ADTRP: variants seen among roughly 807,000 people sequenced by gnomAD.
ADTRP encodes the protein androgen dependent TFPI regulating protein, also known as androgen-dependent TFPI-regulating protein.
A neutral mutation model predicts 27.0 loss-of-function variants in ADTRP; 20 were observed. The ratio of observed to expected loss-of-function variants is 0.74; its 90% CI spans 0.52 to 1.08. The LOEUF (loss-of-function observed/expected upper bound fraction) is 1.08. ADTRP is among the 50% of genes least tolerant of loss of function. The probability of loss-of-function intolerance (pLI) is 0.00; values close to 1 mark genes in which losing one functional copy is unlikely to be tolerated. For synonymous variants in ADTRP, 101 were observed against 105.2 expected (o/e 0.96, Z 0.25); for missense variants, 251 against 275.0 (o/e 0.91, Z 0.62).
At chr6:11,739,088 G>A (rs1762634003) in intron 3 of ADTRP, among the ~76,000 whole-genome samples, 1 of 151,618 alleles carries the variant, frequency 6.6e-6, no homozygotes, top group Non-Finnish European at 1.5e-5. Context: ...AATAAAATAT[G>A]TTTTTGCTTC....
chr6:11,778,015 A>C (rs1021623520), intron 1 of ADTRP, among the ~76,000 whole-genome samples: 1 of 152,188 alleles, frequency 6.6e-6, no homozygotes, highest in Admixed American at 6.5e-5. Context: ...GAAAGGAGTA[A>C]GTCATAAGAT....
At chr6:11,772,846 A>G (rs1763829225) in intron 1 of ADTRP, among the ~76,000 whole-genome samples, 2 of 152,222 alleles carry the variant, frequency 1.3e-5, no homozygotes, top group South Asian at 2.1e-4. Context: ...ACTGAGATTA[A>G]AGGATGCAAT....
chr6:11,723,112 A>G (rs73725703), intron 5 of ADTRP, among the ~76,000 whole-genome samples: 4,625 of 152,258 alleles, frequency 0.03, 226 homozygotes, highest in African/African-American at 0.11. Context: ...TAAATGACAC[A>G]TTGTTTGGGG....
At chr6:11,775,159 C>T (rs749950045) in intron 1 of ADTRP, among the ~76,000 whole-genome samples, 3 of 152,214 alleles carry the variant, frequency 2.0e-5, no homozygotes, top group Middle Eastern at 3.4e-3. Flanking sequence ...GGGTGGATGA[C>T]TCCTGCTGGC....
In ADTRP at chr6:11,713,743, G is replaced by A. The variant is rs1043622229; in HGVS notation, c.*735C>T. On this transcript the variant is annotated 3_prime_UTR_variant, in exon 6 of 6. Transcript: ENST00000414691. ...GAAGAGGTTTTGACAATGTCACTAT[G>A]TTTGATGTTTATACCTGCCCTGAAT... The A allele has an allele frequency of 1.3e-5, 2 of 152,160 alleles. No homozygotes were observed. The highest frequency in any genetic ancestry group is 4.8e-5 in the African/African-American group (2 of 41,414). 9.4% of individuals were successfully genotyped at this position (152,160 alleles called of 1,614,324 possible). A position where few individuals can be genotyped will look rare whatever the true frequency, so the allele number is the denominator to read the frequency against.
chr6:11,744,095 G>A (rs1287775012), intron 3 of ADTRP, among the ~76,000 whole-genome samples: 1 of 152,150 alleles, frequency 6.6e-6, no homozygotes, highest in Admixed American at 6.5e-5. Flanking sequence ...TTTGAGTAAT[G>A]AGTGAGTTCT....
intron 3 of ADTRP, among the ~76,000 whole-genome samples, chr6:11,752,961 T>C (rs2294420): frequency 0.13 from 20,469 of 152,206 alleles, 1,776 homozygotes; most frequent in East Asian, 0.48. Flanking sequence ...ACATGTAATA[T>C]ATTTGTTTCT....
At chr6:11,761,724 G>A (rs1763395129) in intron 3 of ADTRP, among the ~76,000 whole-genome samples, 1 of 152,104 alleles carries the variant, frequency 6.6e-6, no homozygotes, top group African/African-American at 2.4e-5. Flanking sequence ...GGTGTTCTAG[G>A]TAAGAGGCCC....
chr6:11,739,992 A>G (rs1762668537), intron 3 of ADTRP, among the ~76,000 whole-genome samples: 1 of 152,076 alleles, frequency 6.6e-6, no homozygotes, highest in South Asian at 2.1e-4. Flanking sequence ...AAAATATATA[A>G]TCTCTGCTTC....
chr6:11,731,278 A>T (rs1350238353), intron 4 of ADTRP, among the ~76,000 whole-genome samples: 2 of 152,184 alleles, frequency 1.3e-5, no homozygotes, highest in African/African-American at 4.8e-5. Context: ...TTATTTTTAT[A>T]TTGGTTTATA....
chr6:11,715,806 C>CTTTTTTTTTTTTTTTTT (rs55961408), intron 5 of ADTRP, among the ~76,000 whole-genome samples: 2 of 77,700 alleles, frequency 2.6e-5, no homozygotes, highest in Non-Finnish European at 4.4e-5. Flanking sequence ...CCATGCCCAG[C>CTTTTTTTTTTTTTTTTT]TTTTTTTTTT....
At chr6:11,761,325 T>C (rs1257872547) in intron 3 of ADTRP, among the ~76,000 whole-genome samples, 3 of 152,220 alleles carry the variant, frequency 2.0e-5, no homozygotes, top group African/African-American at 7.2e-5. Context: ...TCTTCCCCAC[T>C]GGGATGTGTG....
intron 1 of ADTRP, among the ~76,000 whole-genome samples, chr6:11,771,087 C>T (rs949194718): frequency 5.9e-5 from 9 of 151,630 alleles, no homozygotes; most frequent in Admixed American, 5.9e-4. Context: ...CTCTCCCAGT[C>T]ACAGGATGTG....
At chr6:11,750,670 A>G (rs977648261) in intron 3 of ADTRP, among the ~76,000 whole-genome samples, 1 of 152,242 alleles carries the variant, frequency 6.6e-6, no homozygotes, top group Non-Finnish European at 1.5e-5. Flanking sequence ...ACAATTTAGC[A>G]TTATTACATA....
chr6:11,765,783 G>GAATA (rs1763552992), intron 3 of ADTRP, among the ~76,000 whole-genome samples: 1 of 152,008 alleles, frequency 6.6e-6, no homozygotes, highest in African/African-American at 2.4e-5. Flanking sequence ...ACACAAGCCT[G>GAATA]AATAAAAAAC....
At chr6:11,762,822 T>G (rs1039059688) in intron 3 of ADTRP, among the ~76,000 whole-genome samples, 2 of 152,186 alleles carry the variant, frequency 1.3e-5, no homozygotes, top group Non-Finnish European at 2.9e-5. Flanking sequence ...CCTGAACAAT[T>G]TAGGTTGATT....
chr6:11,773,989 T>C (rs1763868315), intron 1 of ADTRP, among the ~76,000 whole-genome samples: 1 of 152,192 alleles, frequency 6.6e-6, no homozygotes, highest in South Asian at 2.1e-4. Flanking sequence ...AATAGTTAAG[T>C]GTATTTCTGA....
At chr6:11,769,005 G>C (rs1402058323) in intron 1 of ADTRP, among the ~76,000 whole-genome samples, 2 of 152,058 alleles carry the variant, frequency 1.3e-5, no homozygotes, top group East Asian at 3.9e-4. Flanking sequence ...CAAGGGGATA[G>C]AGCAAGCCAT....
At chr6:11,739,972 G>A (rs1762668021) in intron 3 of ADTRP, among the ~76,000 whole-genome samples, 1 of 152,270 alleles carries the variant, frequency 6.6e-6, no homozygotes, top group Admixed American at 6.5e-5. Flanking sequence ...AAAATCAGAT[G>A]ATAACATAAA....
Sources: allele counts gnomAD v4.1 joint callset (sites outside exome capture counted in the v4.1 genomes callset), GRCh38; gene constraint gnomAD v4.1.1; transcripts MANE v1.5; gene names NCBI Gene and HGNC (gene_info 2026-07-23, HGNC 2026-07-21).